RNF125: variants seen among roughly 807,000 people sequenced by gnomAD.
RNF125 encodes the protein ring finger protein 125, also known as E3 ubiquitin-protein ligase RNF125.
Under a neutral mutation model 26.0 loss-of-function variants are expected in RNF125, and 21 were observed. The observed-to-expected ratio is 0.81, with a 90% CI of 0.57 to 1.16. The LOEUF is 1.16. Among genes scored for constraint, RNF125 ranks in the 50% most tolerant of loss-of-function variants. The pLI is 0.00. For missense variants in RNF125, 270 were observed against 299.4 expected (o/e 0.90, Z 0.72); for synonymous variants, 95 against 109.2 (o/e 0.87, Z 0.81).
At chr18:32,038,240 G>A (rs1272851719) in intron 2 of RNF125, among the ~76,000 whole-genome samples, 15 of 151,940 alleles carry the variant, frequency 9.9e-5, no homozygotes, top group Non-Finnish European at 1.5e-5. Flanking sequence ...AGTAGAGAGA[G>A]GGTTTTGCTA....
chr18:32,088,528 A>C, the RNF125 span, among the ~76,000 whole-genome samples: 1 of 152,156 alleles, frequency 6.6e-6, no homozygotes, highest in African/African-American at 2.4e-5. Context: ...TTTGAGACAG[A>C]GTCCCGCTCT....
chr18:32,081,259 AAAC>A, the RNF125 span, among the ~76,000 whole-genome samples: 1 of 152,154 alleles, frequency 6.6e-6, no homozygotes, highest in South Asian at 2.1e-4. Context: ...ACAAAGAAAA[AAAC>A]AACAAACAAA....
Position 32,065,927 on chromosome 18 carries a change from C to G in RNF125, c.530C>G (p.Pro177Arg), listed in dbSNP as rs752635425. Residue 177 changes from proline to arginine, a missense_variant, in exon 5 of 6, where the codon CCC becomes CGC. By Grantham distance (103) the Pro-to-Arg change is moderately radical (BLOSUM62 -2). Transcript: ENST00000217740. The stretch of plus-strand genomic sequence containing the variant: ...TTCTGTCCACTTTGCCGTTTAATAC[C>G]CGATGAGAATCCAAGCAGCTTCAGT... Reference protein sequence around the residue: ...PVFCPLCRLIPDENPSSFSGS... With the variant: ...PVFCPLCRLIRDENPSSFSGS... 1.9e-6 allele frequency: 3 copies of G among 1,613,112 alleles called. No homozygotes were observed. In the African/African-American group the frequency reaches 4.0e-5, roughly 22 times the overall value.
At chr18:32,084,558 G>A in the RNF125 span, among the ~76,000 whole-genome samples, 1 of 152,194 alleles carries the variant, frequency 6.6e-6, no homozygotes, top group African/African-American at 2.4e-5. Flanking sequence ...TCTACTGACT[G>A]ATTTGTGTGT....
At chr18:32,085,557 C>T in the RNF125 span, among the ~76,000 whole-genome samples, 2,178 of 151,286 alleles carry the variant, frequency 0.014, 58 homozygotes, top group African/African-American at 0.051. Flanking sequence ...AAAAATTAGC[C>T]GGGTGTGGCG....
At chr18:32,089,429 G>A in the RNF125 span, among the ~76,000 whole-genome samples, 3 of 152,168 alleles carry the variant, frequency 2.0e-5, no homozygotes, top group East Asian at 5.8e-4. Context: ...TAAAGGAACT[G>A]TTTAAATTAT....
intron 4 of RNF125, among the ~76,000 whole-genome samples, chr18:32,059,207 G>T (rs748269628): frequency 6.6e-6 from 1 of 152,094 alleles, no homozygotes; most frequent in Non-Finnish European, 1.5e-5. Flanking sequence ...ATTCTTCTCC[G>T]TAGTAGTTGT....
At chr18:32,048,781 G>A (rs538977488) in intron 4 of RNF125, among the ~76,000 whole-genome samples, 3 of 152,146 alleles carry the variant, frequency 2.0e-5, no homozygotes, top group Admixed American at 6.5e-5. Context: ...CGATGGTCAC[G>A]GGCTTTTCCT....
chr18:32,029,646 A>G (rs1023961720), intron 1 of RNF125, among the ~76,000 whole-genome samples: 2 of 152,104 alleles, frequency 1.3e-5, no homozygotes, highest in East Asian at 3.9e-4. Context: ...TTACATTCAA[A>G]GGAAATACTC....
chr18:32,023,349 C>T (rs1217773957), intron 1 of RNF125, among the ~76,000 whole-genome samples: 1 of 152,072 alleles, frequency 6.6e-6, no homozygotes, highest in Admixed American at 6.6e-5. Context: ...GGCAGGGTTT[C>T]GCCATTTTGC....
intron 1 of RNF125, among the ~76,000 whole-genome samples, chr18:32,028,297 T>TA (rs1156859954): frequency 0.039 from 2,813 of 72,342 alleles, 203 homozygotes; most frequent in African/African-American, 0.11. Flanking sequence ...GACTCCGTCT[T>TA]AAAAAAAAAA....
chr18:32,078,153 A>G (rs2039582186), downstream of RNF125, among the ~76,000 whole-genome samples: 1 of 152,196 alleles, frequency 6.6e-6, no homozygotes, highest in African/African-American at 2.4e-5. Flanking sequence ...CCCCCATGAA[A>G]GGATGATATG....
At chr18:32,048,257 CA>C (rs56147477) in intron 4 of RNF125, among the ~76,000 whole-genome samples, 16,071 of 117,626 alleles carry the variant, frequency 0.14, 1,232 homozygotes, top group African/African-American at 0.26. Flanking sequence ...ACTAAAAATA[CA>C]AAAAAAAAAA....
chr18:32,073,792 A>G (rs1487991331), downstream of RNF125, among the ~76,000 whole-genome samples: 3 of 152,196 alleles, frequency 2.0e-5, no homozygotes, highest in Non-Finnish European at 4.4e-5. Flanking sequence ...GACGTTCTAG[A>G]TGATTGAGGG....
intron 2 of RNF125, chr18:32,041,912 G>T (rs1461301016): frequency 5.9e-6 from 2 of 336,678 alleles, no homozygotes; most frequent in East Asian, 1.6e-4. Flanking sequence ...TTACAGGCGT[G>T]AGCCACCGCG....
chr18:32,050,865 C>CTTTTTTTTTTTTTTTTTT (rs531751585), intron 4 of RNF125, among the ~76,000 whole-genome samples: 2 of 46,342 alleles, frequency 4.3e-5, no homozygotes, highest in African/African-American at 7.7e-5. Flanking sequence ...GTCTAGAGTG[C>CTTTTTTTTTTTTTTTTTT]TTTTTTTTTT....
At chr18:32,045,483 C>T (rs903591278) in intron 3 of RNF125, among the ~76,000 whole-genome samples, 159 bp from the exon 4 acceptor site, 2 of 149,628 alleles carry the variant, frequency 1.3e-5, no homozygotes, top group Non-Finnish European at 3.0e-5. Flanking sequence ...CCCTTGAACC[C>T]GGGAGGTGGG....
chr18:32,051,275 CAG>C (rs2039324258), intron 4 of RNF125, among the ~76,000 whole-genome samples: 1 of 151,960 alleles, frequency 6.6e-6, no homozygotes, highest in African/African-American at 2.4e-5. Flanking sequence ...CAGTTCTTTG[CAG>C]AGTGCCTAGA....
downstream of RNF125, among the ~76,000 whole-genome samples, chr18:32,073,374 T>C (rs2144526682): frequency 6.6e-6 from 1 of 152,296 alleles, no homozygotes; most frequent in East Asian, 1.9e-4. Flanking sequence ...TAGATACATT[T>C]TGGGTTGTCC....
Sources: allele counts gnomAD v4.1 joint callset (sites outside exome capture counted in the v4.1 genomes callset), GRCh38; gene constraint gnomAD v4.1.1; transcripts MANE v1.5; gene names NCBI Gene and HGNC (gene_info 2026-07-23, HGNC 2026-07-21).